Variants in LIFR observed in about 807,000 individuals in gnomAD.
LIFR encodes the protein leukemia inhibitory factor receptor.
Under a neutral mutation model 122.2 loss-of-function variants are expected in LIFR, and 84 were observed. The ratio of observed to expected loss-of-function variants is 0.69; its 90% CI spans 0.58 to 0.82. LIFR has a LOEUF of 0.82. Ranked by LOEUF, LIFR falls within the 40% of genes least tolerant of loss-of-function variation. The probability of loss-of-function intolerance (pLI) is 0.00; values close to 1 mark genes in which losing one functional copy is unlikely to be tolerated. For missense variants in LIFR, 1,294 were observed against 1,311.6 expected, an observed-to-expected ratio of 0.99 and a Z score of 0.21; for synonymous variants, 422 against 434.7, an observed-to-expected ratio of 0.97 and a Z score of 0.36.
chr5:38,515,388 A>C (rs1746020482), intron 5 of LIFR, among the ~76,000 whole-genome samples: 2 of 120,956 alleles, frequency 1.7e-5, no homozygotes, highest in Non-Finnish European at 3.6e-5. Flanking sequence ...ATATTTGAAA[A>C]TTCCAAGGAG....
At chr5:38,493,246 CA>C (rs1287366382) in intron 14 of LIFR, among the ~76,000 whole-genome samples, 2 of 152,016 alleles carry the variant, frequency 1.3e-5, no homozygotes, top group Non-Finnish European at 2.9e-5. Flanking sequence ...TTTAATTTTC[CA>C]CATAATTTTT....
At chr5:38,539,424 T>C (rs1747467268) in intron 1 of LIFR, among the ~76,000 whole-genome samples, 1 of 152,156 alleles carries the variant, frequency 6.6e-6, no homozygotes, top group Non-Finnish European at 1.5e-5. Context: ...ATCAGAGCCT[T>C]ATCTTTGTAA....
At chr5:38,524,911 T>C (rs1746596825) in intron 4 of LIFR, among the ~76,000 whole-genome samples, 1 of 152,144 alleles carries the variant, frequency 6.6e-6, no homozygotes, top group Non-Finnish European at 1.5e-5. Flanking sequence ...AAACAAATAG[T>C]TGTTACCTGT....
intron 2 of LIFR, among the ~76,000 whole-genome samples, chr5:38,529,908 AG>A (rs1177845091): frequency 2.6e-5 from 4 of 152,222 alleles, no homozygotes; most frequent in African/African-American, 7.2e-5. Context: ...TGGAGAAAAG[AG>A]ATCTATTTAA....
chr5:38,516,754 A>G (rs569046508), intron 5 of LIFR, among the ~76,000 whole-genome samples: 2 of 152,310 alleles, frequency 1.3e-5, no homozygotes, highest in Admixed American at 1.3e-4. Flanking sequence ...AGACACATGC[A>G]CACATAGGTT....
intron 1 of LIFR, among the ~76,000 whole-genome samples, chr5:38,562,921 T>C (rs1187101014): frequency 6.6e-6 from 1 of 152,186 alleles, no homozygotes; most frequent in Non-Finnish European, 1.5e-5. Context: ...AAATAACTAG[T>C]CAGTTAAATA....
chr5:38,552,866 A>G (rs1460667964), intron 1 of LIFR, among the ~76,000 whole-genome samples: 1 of 152,242 alleles, frequency 6.6e-6, no homozygotes, highest in Non-Finnish European at 1.5e-5. Flanking sequence ...TTCTCTAATT[A>G]TTCATTTACT....
chr5:38,543,350 G>C (rs1747695061), intron 1 of LIFR, among the ~76,000 whole-genome samples: 1 of 152,136 alleles, frequency 6.6e-6, no homozygotes, highest in Non-Finnish European at 1.5e-5. Context: ...TAGATTAAGT[G>C]ACTTATCCAA....
At position 38,503,975 on chromosome 5, in the gene LIFR, C is replaced by T. The variant is rs1249202134; in HGVS notation, c.1437+1G>A. ...AAAGGAAGTCTTTAAGAGAATCTTA[C>T]CTGCTCTTGTACTGAATTAGATTTC... On this transcript the variant is annotated splice_donor_variant, in intron 10 of 19. Coordinates refer to ENST00000453190, the MANE Select transcript of LIFR (RefSeq NM_001127671.2). LOFTEE classifies it high-confidence loss of function. 6.4e-7 allele frequency: 1 copy of T among 1,558,944 alleles called. No homozygotes were observed. Among genetic ancestry groups the T allele is most frequent in the East Asian group, 2.2e-5 (1 of 44,456 alleles).
chr5:38,476,115 A>C lies in LIFR; in HGVS notation c.*5480T>G, dbSNP rs1429186064. On this transcript the variant is annotated 3_prime_UTR_variant, in exon 20 of 20. Coordinates refer to ENST00000453190, the MANE Select transcript of LIFR (RefSeq NM_001127671.2). ...TGTGTTGGAAGGAAAAATTAAATAC[A>C]AGGAAACACTAGCTTATGATATATT... 1 of 200,336 alleles carries C rather than the reference A, an allele frequency of 5.0e-6. No individual in the cohort carries two copies. Among genetic ancestry groups the C allele is most frequent in the Non-Finnish European group, 1.0e-5 (1 of 97,040 alleles). 12.4% of individuals were successfully genotyped at this position (200,336 alleles called of 1,614,324 possible).
chr5:38,574,377 C>G (rs60691231), intron 1 of LIFR, among the ~76,000 whole-genome samples: 1 of 152,170 alleles, frequency 6.6e-6, no homozygotes, highest in Non-Finnish European at 1.5e-5. Context: ...ACCCCCCGGA[C>G]TGGTTAGATT....
Position 38,511,473 on chromosome 5 carries a change from GT to G in LIFR, c.736+316del, listed in dbSNP as rs200608876. Reference sequence around the variant, plus strand: ...TGAGCCAGAAATTGGGAACTGTTTTGTTTTTTTTTTTTAAACATAGATTTCA... The same window carrying G: ...TGAGCCAGAAATTGGGAACTGTTTTGTTTTTTTTTTTAAACATAGATTTCA... On this transcript the variant is annotated intron_variant, in intron 6 of 19. Transcript: ENST00000453190. Among the ~76,000 whole-genome samples, 1,874 of 142,356 alleles carry G rather than the reference GT, an allele frequency of 0.013. 180 individuals carry two copies. In the East Asian group the frequency reaches 0.26, roughly 20 times the overall value. The allele number at this position is 142,356 out of a possible 152,430, so 93.4% of individuals were successfully genotyped here.
chr5:38,600,151 AC>A (rs1750196165), upstream of LIFR, among the ~76,000 whole-genome samples: 1 of 152,112 alleles, frequency 6.6e-6, no homozygotes. Flanking sequence ...CTTCTAATCT[AC>A]CTATGACCTG....
At position 38,548,195 on chromosome 5, in the gene LIFR, G is replaced by C. The variant is rs182186140; in HGVS notation, c.-20+8139C>G. Among the ~76,000 whole-genome samples, 10 of 152,098 alleles carry C rather than the reference G, an allele frequency of 6.6e-5. No individual in the cohort carries two copies. The East Asian group carries it at 1.4e-3, about 21-fold the overall frequency. On this transcript the variant is annotated intron_variant, in intron 1 of 19. Transcript: ENST00000453190. ...GGCATGAGGTCATACTTAAGATAATGAAAGATTATCCTTCACAGAAGATAT... is the reference window on the plus strand; with the variant it reads ...GGCATGAGGTCATACTTAAGATAATCAAAGATTATCCTTCACAGAAGATAT...
In LIFR at chr5:38,480,712, T is replaced by TA. The variant is rs1743942801; in HGVS notation, c.*882dup. The TA allele has an allele frequency of 9.5e-6, 2 of 210,148 alleles. No homozygotes were observed. Among genetic ancestry groups the TA allele is most frequent in the East Asian group, 1.4e-4 (2 of 13,878 alleles). 13.0% of individuals were successfully genotyped at this position (210,148 alleles called of 1,614,324 possible). A position where few individuals can be genotyped will look rare whatever the true frequency, so the allele number is the denominator to read the frequency against. The stretch of plus-strand genomic sequence containing the variant: ...ATCTCACATAGTAAGTCACTGGAAT[T>TA]ACATGCTTATGAATAATATTGAATT... On this transcript the variant is annotated 3_prime_UTR_variant, in exon 20 of 20. Transcript: ENST00000453190.
intron 5 of LIFR, among the ~76,000 whole-genome samples, chr5:38,521,001 A>T (rs1746368947): frequency 1.3e-5 from 2 of 152,152 alleles, no homozygotes; most frequent in Admixed American, 1.3e-4. Flanking sequence ...TAGGGAATGC[A>T]TTGAATCTAA....
At chr5:38,512,079 G>A (rs1473124974) in intron 5 of LIFR, 115 bp from the exon 6 acceptor site, 1 of 1,025,106 alleles carries the variant, frequency 9.8e-7, no homozygotes, top group Non-Finnish European at 1.5e-6. Flanking sequence ...TTTATGTTTT[G>A]TCCTTTAATA....
At chr5:38,565,503 A>G (rs1748989982) in intron 1 of LIFR, among the ~76,000 whole-genome samples, 1 of 151,948 alleles carries the variant, frequency 6.6e-6, no homozygotes, top group South Asian at 2.1e-4. Context: ...CAGTGCCTTC[A>G]TATGTCCACA....
intron 10 of LIFR, among the ~76,000 whole-genome samples, chr5:38,503,117 T>C (rs1030336627): frequency 6.6e-6 from 1 of 152,150 alleles, no homozygotes; most frequent in African/African-American, 2.4e-5. Flanking sequence ...TATATAATTT[T>C]GATAATCAAA....
Sources: allele counts gnomAD v4.1 joint callset (sites outside exome capture counted in the v4.1 genomes callset), GRCh38; gene constraint gnomAD v4.1.1; transcripts MANE v1.5; gene names NCBI Gene and HGNC (gene_info 2026-07-23, HGNC 2026-07-21).